Variants in SETBP1 observed in about 807,000 individuals in gnomAD.
SETBP1 encodes SET binding protein 1, also known as SET-binding protein.
SETBP1 carries 9 observed loss-of-function variants against 101.0 expected under a neutral mutation model. That is an observed-to-expected ratio of 0.09 (90% CI 0.05 to 0.16). SETBP1 has a LOEUF of 0.16. SETBP1 is among the 10% of genes least tolerant of loss of function. The probability of loss-of-function intolerance (pLI) is 1.00; values close to 1 mark genes in which losing one functional copy is unlikely to be tolerated. For missense variants in SETBP1, 1,858 were observed against 2,033.8 expected (o/e 0.91, Z 1.66); for synonymous variants, 818 against 788.5 (o/e 1.04, Z -0.63).
At chr18:44,990,195 T>C (rs1449270537) in intron 4 of SETBP1, among the ~76,000 whole-genome samples, 1 of 152,086 alleles carries the variant, frequency 6.6e-6, no homozygotes, top group Admixed American at 6.5e-5. Context: ...TTCCCAAGCG[T>C]ATACTGCAGA....
In SETBP1 at chr18:44,776,023, T is replaced by C. The variant is rs79291972; in HGVS notation, c.486+74191T>C. ...AATGGACAGAGCCGTTTTAACGTAG[T>C]TGTAATTGACTTGTATTTCTCTCTC... On this transcript the variant is annotated intron_variant, in intron 2 of 5. Coordinates refer to ENST00000649279, the MANE Select transcript of SETBP1 (RefSeq NM_015559.3). Among the ~76,000 whole-genome samples, 669 of 152,310 alleles carry C rather than the reference T, an allele frequency of 4.4e-3. 1 individual carries two copies. The highest frequency in any genetic ancestry group is 0.015 in the African/African-American group (627 of 41,566).
Position 44,950,501 on chromosome 18 carries a change from G to A in SETBP1, c.1161G>A (p.Val387=), listed in dbSNP as rs1272755696. ...AGGCATCACCAGCCAGGCAGAACGTGAGTTCTGCCAGTAATCCTGAAAATG... is the reference window on the plus strand; with the variant it reads ...AGGCATCACCAGCCAGGCAGAACGTAAGTTCTGCCAGTAATCCTGAAAATG... ...AQEASPARQN[V]SSASNPENDS... is the part of the protein sequence containing the mutation. The change falls in exon 4 of 6, where the codon GTG becomes GTA. Residue 387 remains valine (V), a synonymous_variant. Transcript: ENST00000649279. The A allele has an allele frequency of 6.2e-7, 1 of 1,613,848 alleles. No individual in the cohort carries two copies. The highest frequency in any genetic ancestry group is 8.5e-7 in the Non-Finnish European group (1 of 1,179,904).
intron 2 of SETBP1, among the ~76,000 whole-genome samples, chr18:44,841,791 A>G (rs948938013): frequency 1.3e-5 from 2 of 152,158 alleles, no homozygotes; most frequent in Non-Finnish European, 2.9e-5. Flanking sequence ...TCTCTGACTT[A>G]TCACCTCTTT....
intron 2 of SETBP1, among the ~76,000 whole-genome samples, chr18:44,802,200 A>G (rs183742929): frequency 2.2e-4 from 33 of 152,290 alleles, no homozygotes; most frequent in Non-Finnish European, 1.2e-4. Context: ...TTTCTGAAAC[A>G]GAGACAGTCA....
chr18:44,691,152 C>A (rs1004912491), intron 1 of SETBP1, among the ~76,000 whole-genome samples: 1 of 152,108 alleles, frequency 6.6e-6, no homozygotes, highest in Admixed American at 6.6e-5. Flanking sequence ...AACTAAGAGG[C>A]TTTGTAATCA....
chr18:44,815,041 G>C (rs570298668), intron 2 of SETBP1, among the ~76,000 whole-genome samples: 1 of 152,324 alleles, frequency 6.6e-6, no homozygotes, highest in Non-Finnish European at 1.5e-5. Flanking sequence ...AGACCCTGAT[G>C]GTGAGGTGAG....
At chr18:44,960,314 GC>G (rs2071585391) in intron 4 of SETBP1, among the ~76,000 whole-genome samples, 1 of 152,104 alleles carries the variant, frequency 6.6e-6, no homozygotes, top group African/African-American at 2.4e-5. Context: ...CGAGGCTTGT[GC>G]TTAATCAAGC....
intron 3 of SETBP1, among the ~76,000 whole-genome samples, chr18:44,906,217 T>A (rs1380116820): frequency 6.6e-6 from 1 of 152,150 alleles, no homozygotes; most frequent in African/African-American, 2.4e-5. Flanking sequence ...GGAACTTAAG[T>A]GATTAAGAGG....
At chr18:44,711,627 G>C (rs1364868076) in intron 2 of SETBP1, among the ~76,000 whole-genome samples, 4 of 151,094 alleles carry the variant, frequency 2.6e-5, no homozygotes. Context: ...CTGGGCTCAA[G>C]TGATCCTTTC....
At chr18:45,034,208 G>A (rs561235852) in intron 4 of SETBP1, among the ~76,000 whole-genome samples, 3 of 152,310 alleles carry the variant, frequency 2.0e-5, no homozygotes, top group South Asian at 2.1e-4. Context: ...AAATATTGAA[G>A]CTATTGACTT....
chr18:44,703,348 G>GTTTTTTTTTTTTTTTTT (rs531974601), intron 2 of SETBP1, among the ~76,000 whole-genome samples: 16 of 51,444 alleles, frequency 3.1e-4, no homozygotes, highest in Non-Finnish European at 5.1e-4. Context: ...TTACCATTAG[G>GTTTTTTTTTTTTTTTTT]TTTTTTTTTT....
At chr18:44,757,031 A>T (rs1253468149) in intron 2 of SETBP1, among the ~76,000 whole-genome samples, 1 of 152,152 alleles carries the variant, frequency 6.6e-6, no homozygotes, top group Non-Finnish European at 1.5e-5. Context: ...AGCATTTTAA[A>T]TTCTTTTTTT....
chr18:45,041,808 T>C (rs572085952), intron 5 of SETBP1, among the ~76,000 whole-genome samples: 63 of 151,960 alleles, frequency 4.1e-4, no homozygotes, highest in African/African-American at 1.4e-3. Context: ...AATACAAAAA[T>C]TAACCAGGTG....
At chr18:44,755,146 AAAATGTTTTCCAAAATG>A (rs2070463982) in intron 2 of SETBP1, among the ~76,000 whole-genome samples, 1 of 152,250 alleles carries the variant, frequency 6.6e-6, no homozygotes, top group Non-Finnish European at 1.5e-5. Flanking sequence ...AGCTTTTCAG[AAAATGTTTTCCAAAATG>A]AAATGTTGTT....
At chr18:44,800,879 C>T (rs2071592965) in intron 2 of SETBP1, among the ~76,000 whole-genome samples, 1 of 152,170 alleles carries the variant, frequency 6.6e-6, no homozygotes, top group Non-Finnish European at 1.5e-5. Context: ...TTGGAACCAA[C>T]CCAAATGTCC....
intron 2 of SETBP1, among the ~76,000 whole-genome samples, chr18:44,750,789 C>A (rs1486855528): frequency 1.3e-5 from 2 of 152,082 alleles, no homozygotes; most frequent in Non-Finnish European, 2.9e-5. Flanking sequence ...TTAGCTAGGT[C>A]ATAAAAAATA....
intron 2 of SETBP1, among the ~76,000 whole-genome samples, chr18:44,787,600 A>G (rs914958050): frequency 1.9e-4 from 29 of 150,356 alleles, no homozygotes; most frequent in Non-Finnish European, 4.1e-4. Context: ...CACGCCTGTA[A>G]TCCCAGCACT....
chr18:44,949,754 A>G (rs1403897972), intron 3 of SETBP1, 127 bp from the exon 4 acceptor site: 10 of 774,518 alleles, frequency 1.3e-5, no homozygotes, highest in Non-Finnish European at 2.2e-5. Flanking sequence ...GTGGCTGTTC[A>G]TTTCGGTATT....
chr18:44,797,284 G>A (rs1032741245), intron 2 of SETBP1, among the ~76,000 whole-genome samples: 6 of 152,140 alleles, frequency 3.9e-5, no homozygotes, highest in Admixed American at 6.5e-5. Context: ...TTGAATAATA[G>A]CACTTTCTGT....
Sources: allele counts gnomAD v4.1 joint callset (sites outside exome capture counted in the v4.1 genomes callset), GRCh38; gene constraint gnomAD v4.1.1; transcripts MANE v1.5; gene names NCBI Gene and HGNC (gene_info 2026-07-23, HGNC 2026-07-21).